The following TENM3 variants were observed in gnomAD, a reference collection of about 807,000 sequenced individuals.
TENM3 encodes teneurin-3.
Under a neutral mutation model 255.1 loss-of-function variants are expected in TENM3, and 63 were observed. The observed-to-expected ratio is 0.25, with a 90% CI of 0.20 to 0.30. TENM3 has a LOEUF of 0.30. Ranked by LOEUF, TENM3 falls within the 10% of genes least tolerant of loss-of-function variation. The pLI, the probability that TENM3 is intolerant of heterozygous loss-of-function variation, is 1.00. For missense variants in TENM3, 2,929 were observed against 3,461.1 expected, an observed-to-expected ratio of 0.85 and a Z score of 3.86; for synonymous variants, 1,306 against 1,322.3, an observed-to-expected ratio of 0.99 and a Z score of 0.27.
the TENM3 span, among the ~76,000 whole-genome samples, chr4:181,773,891 T>G: frequency 6.6e-6 from 1 of 152,232 alleles, no homozygotes; most frequent in East Asian, 1.9e-4. Flanking sequence ...CCCTCTGCAG[T>G]ATTCCCCGTG....
the TENM3 span, among the ~76,000 whole-genome samples, chr4:182,091,377 C>G: frequency 6.6e-6 from 1 of 152,136 alleles, no homozygotes; most frequent in Non-Finnish European, 1.5e-5. Flanking sequence ...GCTGAGGTGA[C>G]GTAAATATCA....
chr4:182,134,884 C>G, the TENM3 span, among the ~76,000 whole-genome samples: 1 of 151,962 alleles, frequency 6.6e-6, no homozygotes, highest in South Asian at 2.1e-4. Context: ...ACAGAGAAAA[C>G]CAAGCTCTGC....
At chr4:182,455,812 T>C (rs1011547071) in intron 3 of TENM3, among the ~76,000 whole-genome samples, 1 of 152,164 alleles carries the variant, frequency 6.6e-6, no homozygotes, top group Non-Finnish European at 1.5e-5. Flanking sequence ...TCCACCCGCC[T>C]CAGCCTCCCA....
intron 3 of TENM3, among the ~76,000 whole-genome samples, chr4:182,505,480 T>G (rs1298847251): frequency 6.6e-6 from 1 of 152,084 alleles, no homozygotes; most frequent in Non-Finnish European, 1.5e-5. Context: ...TATTTTACTA[T>G]TACTATTATT....
the TENM3 span, among the ~76,000 whole-genome samples, chr4:182,138,391 G>A: frequency 3.3e-5 from 5 of 152,070 alleles, no homozygotes; most frequent in East Asian, 1.9e-4. Flanking sequence ...GGTTAATGTC[G>A]AAAATCCTCA....
chr4:181,915,957 G>T, the TENM3 span, among the ~76,000 whole-genome samples: 1 of 152,122 alleles, frequency 6.6e-6, no homozygotes, highest in African/African-American at 2.4e-5. Context: ...ACAGATTTGG[G>T]TCAAGTTTAT....
the TENM3 span, among the ~76,000 whole-genome samples, chr4:181,770,530 A>T: frequency 6.6e-6 from 1 of 151,798 alleles, no homozygotes; most frequent in African/African-American, 2.4e-5. Context: ...AATAAATTAG[A>T]TGGGCGTGGT....
the TENM3 span, among the ~76,000 whole-genome samples, chr4:181,746,212 A>G: frequency 6.6e-6 from 1 of 152,098 alleles, no homozygotes; most frequent in Non-Finnish European, 1.5e-5. Flanking sequence ...GATAATGGAG[A>G]GGTTATTTGT....
At chr4:182,162,059 A>C (rs1751388018) in intron 1 of TENM3, among the ~76,000 whole-genome samples, 1 of 149,242 alleles carries the variant, frequency 6.7e-6, no homozygotes, top group Admixed American at 6.7e-5. Context: ...TTTTTAAAAC[A>C]AACAAACAAA....
chr4:181,909,722 G>A, the TENM3 span, among the ~76,000 whole-genome samples: 218 of 152,216 alleles, frequency 1.4e-3, no homozygotes, highest in South Asian at 8.1e-3. Context: ...CTAGGTGTTC[G>A]AGGGCAAAGG....
the TENM3 span, among the ~76,000 whole-genome samples, chr4:181,820,656 G>A: frequency 3.5e-4 from 54 of 152,230 alleles, no homozygotes; most frequent in South Asian, 9.5e-3. Flanking sequence ...AAGCACCACC[G>A]CTGTAAATAT....
intron 18 of TENM3, among the ~76,000 whole-genome samples, chr4:182,741,285 G>C (rs1761586518): frequency 6.6e-6 from 1 of 152,230 alleles, no homozygotes; most frequent in South Asian, 2.1e-4. Context: ...ATTTTGACAA[G>C]TAGTGGCTTT....
At chr4:181,852,205 A>G in the TENM3 span, among the ~76,000 whole-genome samples, 9 of 152,368 alleles carry the variant, frequency 5.9e-5, no homozygotes, top group Admixed American at 5.9e-4. Context: ...GGACACTAAA[A>G]CATCGGGTGA....
intron 1 of TENM3, among the ~76,000 whole-genome samples, chr4:182,212,010 A>G (rs1014752415): frequency 7.2e-5 from 11 of 152,178 alleles, no homozygotes; most frequent in Non-Finnish European, 1.6e-4. Context: ...ACTCTAATAT[A>G]TATATCTATT....
At chr4:182,431,188 C>A (rs1471566979) in intron 3 of TENM3, among the ~76,000 whole-genome samples, 1 of 151,366 alleles carries the variant, frequency 6.6e-6, no homozygotes, top group East Asian at 2.0e-4. Context: ...CTGGATGGTG[C>A]TTTCATGAAT....
the TENM3 span, among the ~76,000 whole-genome samples, chr4:181,541,382 C>T: frequency 6.6e-6 from 1 of 151,980 alleles, no homozygotes; most frequent in African/African-American, 2.4e-5. Context: ...GAGATCCTGT[C>T]TCTTAAAAAA....
Position 182,600,925 on chromosome 4 carries a change from G to C in TENM3, c.513G>C (p.Glu171Asp). Residue 171 changes from glutamate (E) to aspartate (D), a missense_variant and splice_region_variant, in exon 4 of 28, where the codon GAG (glutamate) becomes GAC (aspartate). Coordinates refer to ENST00000511685, the MANE Select transcript of TENM3 (RefSeq NM_001080477.4). ...EHENKSDSEN[E>D]QPASNQGQST... The stretch of plus-strand genomic sequence containing the variant: ...TTTTTTTTTTTTTTTTTTTTTCAGA[G>C]CAACCTGCAAGCAATCAAGGCCAGT... The C allele has an allele frequency of 1.5e-6, 1 of 687,982 alleles. No individual in the cohort carries two copies. Among genetic ancestry groups the C allele is most frequent in the East Asian group, 3.9e-5 (1 of 25,730 alleles). 42.6% of individuals were successfully genotyped at this position (687,982 alleles called of 1,614,324 possible). A position where few individuals can be genotyped will look rare whatever the true frequency, so the allele number is the denominator to read the frequency against.
intron 3 of TENM3, among the ~76,000 whole-genome samples, chr4:182,592,175 A>G (rs1040614987): frequency 2.7e-5 from 4 of 149,712 alleles, no homozygotes; most frequent in Non-Finnish European, 4.4e-5. Flanking sequence ...TTTTAAAGGA[A>G]TGGATTATAA....
chr4:181,597,148 G>C, the TENM3 span, among the ~76,000 whole-genome samples: 9 of 152,208 alleles, frequency 5.9e-5, no homozygotes, highest in Non-Finnish European at 1.0e-4. Context: ...TTATTACATG[G>C]CTACCATGCC....
Sources: allele counts gnomAD v4.1 joint callset (sites outside exome capture counted in the v4.1 genomes callset), GRCh38; gene constraint gnomAD v4.1.1; transcripts MANE v1.5; gene names NCBI Gene and HGNC (gene_info 2026-07-23, HGNC 2026-07-21).